Variants in REXO1 observed in about 807,000 individuals in gnomAD.
REXO1 encodes RNA exonuclease 1 homolog, also known as REX1, RNA exonuclease 1 homolog.
In REXO1, 42 loss-of-function variants were observed where a neutral mutation model predicts 102.6. The ratio of observed to expected loss-of-function variants is 0.41; its 90% confidence interval spans 0.32 to 0.53. The LOEUF is 0.53. Among genes scored for constraint, REXO1 ranks in the 20% least tolerant of loss-of-function variants. The pLI is 0.27. For synonymous variants in REXO1, 908 were observed against 779.1 expected (o/e 1.17, Z -2.76); for missense variants, 1,819 against 1,732.5 (o/e 1.05, Z -0.89).
intron 1 of REXO1, chr19:1,830,903 C>T (rs973350652): frequency 1.3e-5 from 2 of 153,652 alleles, no homozygotes; most frequent in African/African-American, 4.8e-5. Flanking sequence ...CAGGAGATGA[C>T]CTAGAAGCCG....
rs963569722 is a variant in REXO1 at position 1,825,318 on chromosome 19, A to C, written c.2016+521T>G. Among the ~76,000 whole-genome samples, 70 of 143,384 alleles carry C rather than the reference A, an allele frequency of 4.9e-4. 2 individuals carry two copies. Among genetic ancestry groups the C allele is most frequent in the African/African-American group, 1.7e-3 (65 of 37,238 alleles). 94.1% of individuals were successfully genotyped at this position (143,384 alleles called of 152,430 possible). A position where few individuals can be genotyped will look rare whatever the true frequency, so the allele number is the denominator to read the frequency against. ...CCGTCTCAAAAAAAAAAAAAAAAAA[A>C]AAAACAACCAAAAAACAAACAAACA... On this transcript the variant is annotated intron_variant, in intron 3 of 15. Transcript: ENST00000170168.
At position 1,819,103 on chromosome 19, in the gene REXO1, G is replaced by A. The variant is rs776816502; in HGVS notation, c.2679C>T (p.His893=). ...CCAACCTGCCCCCCAACACCACCTC[G>A]TGGGACACAACCCTGCGGCCACTGG... ...SKTSGRRVVS[H]EVVLGGRLAA... Residue 893 remains histidine (H), a synonymous_variant, in exon 8 of 16, where the codon CAC becomes CAT. Coordinates refer to ENST00000170168, the MANE Select transcript of REXO1 (RefSeq NM_020695.4). 5 of 1,594,554 alleles carry A rather than the reference G, an allele frequency of 3.1e-6. No individual in the cohort carries two copies. The highest frequency in any genetic ancestry group is 4.3e-6 in the Non-Finnish European group (5 of 1,169,524).
chr19:1,841,724 C>T (rs1000507651), intron 1 of REXO1, among the ~76,000 whole-genome samples: 3 of 151,660 alleles, frequency 2.0e-5, no homozygotes, highest in African/African-American at 7.3e-5. Context: ...CTGGGGGGAG[C>T]GCTCTGGGGA....
At chr19:1,821,350 A>C (rs1014154360) in intron 5 of REXO1, among the ~76,000 whole-genome samples, 169 bp downstream of exon 5, 15 of 151,708 alleles carry the variant, frequency 9.9e-5, no homozygotes, top group Non-Finnish European at 1.6e-4. Flanking sequence ...ATCTCAAAAA[A>C]AAAAAAAAAA....
intron 1 of REXO1, among the ~76,000 whole-genome samples, chr19:1,834,706 G>A (rs999048072): frequency 2.6e-5 from 4 of 152,216 alleles, no homozygotes; most frequent in African/African-American, 7.2e-5. Context: ...TAAGGGCTGT[G>A]AAACCTGCCC....
chr19:1,847,679 G>A (rs1024115053), intron 1 of REXO1, among the ~76,000 whole-genome samples: 1 of 152,238 alleles, frequency 6.6e-6, no homozygotes, highest in Non-Finnish European at 1.5e-5. Context: ...CAGTCATGCT[G>A]GACACAGGGC....
In REXO1 at chr19:1,816,062, G is replaced by C; in HGVS notation, c.*4C>G. On this transcript the variant is annotated 3_prime_UTR_variant, in exon 16 of 16. Coordinates refer to ENST00000170168, the MANE Select transcript of REXO1 (RefSeq NM_020695.4). Reference sequence around the variant, plus strand: ...AGGAGAGGCGGGTGGGAGGCGGGCAGGCGTCATCGCTTGGTCTTGGCGTCT... The same window carrying C: ...AGGAGAGGCGGGTGGGAGGCGGGCACGCGTCATCGCTTGGTCTTGGCGTCT... 13 of 1,541,422 alleles carry C rather than the reference G, an allele frequency of 8.4e-6. No individual in the cohort carries two copies. Among genetic ancestry groups the C allele is most frequent in the Non-Finnish European group, 1.1e-5 (13 of 1,146,928 alleles).
chr19:1,829,757 G>T (rs928446335), intron 1 of REXO1, among the ~76,000 whole-genome samples: 2 of 151,894 alleles, frequency 1.3e-5, no homozygotes, highest in African/African-American at 4.8e-5. Flanking sequence ...TCGGTGAGCC[G>T]AGATCACACC....
intron 3 of REXO1, 52 bp downstream of exon 3, chr19:1,825,787 T>TAAA (rs59277540): frequency 9.3e-4 from 928 of 994,848 alleles, no homozygotes; most frequent in Non-Finnish European, 1.1e-3. Context: ...ACCTCGTCTT[T>TAAA]AAAAAAAAAA....
rs867663560 is a variant in REXO1 at position 1,815,789 on chromosome 19, G to T, written c.*277C>A. On this transcript the variant is annotated 3_prime_UTR_variant, in exon 16 of 16. Transcript: ENST00000170168. The surrounding 1 kb of genome is among the most constrained non-coding windows in gnomAD (Gnocchi z 4.0). ...GGAGGGGCAGGAGGGGCTGCGGGCC[G>T]GGTGGGGGCGGGCTCTGTCCTGGTC... 3.4e-6 allele frequency: 5 copies of T among 1,453,052 alleles called. No homozygotes were observed. The highest frequency in any genetic ancestry group is 4.6e-6 in the Non-Finnish European group (5 of 1,096,384). The allele number at this position is 1,453,052 out of a possible 1,614,324, so 90.0% of individuals were successfully genotyped here.
Position 1,826,645 on chromosome 19 carries a change from G to C in REXO1, c.1911+233C>G, listed in dbSNP as rs903326331. Among the ~76,000 whole-genome samples the C allele has an allele frequency of 5.3e-5, 8 of 151,846 alleles. No individual in the cohort carries two copies. The highest frequency in any genetic ancestry group is 1.9e-4 in the African/African-American group (8 of 41,246). On this transcript the variant is annotated intron_variant, in intron 2 of 15. Transcript: ENST00000170168. The surrounding 1 kb of genome is among the most constrained non-coding windows in gnomAD (Gnocchi z 4.3). ...GTGTGCACGTGGCCACAGAAGCCTG[G>C]CTGGTGGCCACGGGCCAGTGACCTC...
In REXO1 at chr19:1,823,609, C is replaced by A. The variant is rs79728211; in HGVS notation, c.2193G>T (p.Arg731Ser). 7.6e-7 allele frequency: 1 copy of A among 1,322,562 alleles called. No individual in the cohort carries two copies. Among genetic ancestry groups the A allele is most frequent in the Non-Finnish European group, 9.7e-7 (1 of 1,027,836 alleles). 81.9% of individuals were successfully genotyped at this position (1,322,562 alleles called of 1,614,324 possible). A position where few individuals can be genotyped will look rare whatever the true frequency, so the allele number is the denominator to read the frequency against. The change falls in exon 4 of 16, where the codon AGG (arginine) becomes AGT (serine). Residue 731 changes from arginine to serine, a missense_variant. Coordinates refer to ENST00000170168, the MANE Select transcript of REXO1 (RefSeq NM_020695.4). The part of the protein sequence containing the change: ...SVHISAPGEK[R>S]RIAHIPNPRL... The stretch of plus-strand genomic sequence containing the variant: ...GGGGGTTGGGGATGTGGGCGATCCT[C>A]CTCTTCTCGCCAGGGGCGGAAATGT...
intron 1 of REXO1, among the ~76,000 whole-genome samples, chr19:1,843,032 C>A (rs989931942): frequency 6.6e-6 from 1 of 152,184 alleles, no homozygotes; most frequent in Non-Finnish European, 1.5e-5. Context: ...CTAACCCCCT[C>A]CACACAGGAA....
intron 1 of REXO1, chr19:1,834,902 G>A (rs191342623): frequency 1.7e-5 from 6 of 358,118 alleles, no homozygotes; most frequent in East Asian, 2.3e-4. Flanking sequence ...TCTGCACCAC[G>A]GCCTCTCCTC....
At chr19:1,840,910 G>A (rs1053345163) in intron 1 of REXO1, among the ~76,000 whole-genome samples, 3 of 152,158 alleles carry the variant, frequency 2.0e-5, no homozygotes, top group Admixed American at 6.5e-5. Flanking sequence ...CCCACAGCTC[G>A]TCCCGAGTCC....
chr19:1,824,943 G>A (rs909464052), intron 3 of REXO1, among the ~76,000 whole-genome samples: 6 of 151,658 alleles, frequency 4.0e-5, no homozygotes, highest in Non-Finnish European at 7.4e-5. Context: ...GTGCCACCGC[G>A]CCCAGCTAAT....
At chr19:1,838,748 C>G (rs865916198) in intron 1 of REXO1, among the ~76,000 whole-genome samples, 2 of 152,182 alleles carry the variant, frequency 1.3e-5, no homozygotes, top group Non-Finnish European at 2.9e-5. Context: ...ACCTTCTCCC[C>G]CTATGCCTCT....
intron 4 of REXO1, chr19:1,821,887 G>A (rs536355712): frequency 3.4e-6 from 2 of 594,318 alleles, no homozygotes; most frequent in Admixed American, 3.2e-5. Flanking sequence ...GAGGACACAG[G>A]TCAGGCTGCG....
chr19:1,836,964 A>G (rs1378307901), intron 1 of REXO1, among the ~76,000 whole-genome samples: 1 of 152,150 alleles, frequency 6.6e-6, no homozygotes, highest in African/African-American at 2.4e-5. Context: ...GACAAAAAAG[A>G]TAAGCCTGAC....
Sources: allele counts gnomAD v4.1 joint callset (sites outside exome capture counted in the v4.1 genomes callset), GRCh38; gene constraint gnomAD v4.1.1; non-coding constraint Gnocchi (gnomAD v3.1); transcripts MANE v1.5; gene names NCBI Gene and HGNC (gene_info 2026-07-23, HGNC 2026-07-21).